The following PTPN14 variants were observed in gnomAD, a reference collection of about 807,000 sequenced individuals.
The protein encoded by PTPN14 is tyrosine-protein phosphatase non-receptor type 14.
Under a neutral mutation model 126.8 loss-of-function variants are expected in PTPN14, and 53 were observed. The observed-to-expected ratio is 0.42, with a 90% CI of 0.34 to 0.53. PTPN14 has a LOEUF of 0.53. Among genes scored for constraint, PTPN14 ranks in the 20% least tolerant of loss-of-function variants. PTPN14 has a pLI of 0.08. For synonymous variants in PTPN14, 630 were observed against 599.3 expected (o/e 1.05, Z -0.75); for missense variants, 1,257 against 1,552.9 (o/e 0.81, Z 3.20).
At chr1:214,391,343 A>G (rs1658746705) in intron 10 of PTPN14, among the ~76,000 whole-genome samples, 1 of 152,110 alleles carries the variant, frequency 6.6e-6, no homozygotes, top group Non-Finnish European at 1.5e-5. Context: ...GAAAAATATC[A>G]CCATTATTAC....
At chr1:214,517,898 T>A (rs192613954) in intron 1 of PTPN14, among the ~76,000 whole-genome samples, 1 of 152,140 alleles carries the variant, frequency 6.6e-6, no homozygotes, top group Non-Finnish European at 1.5e-5. Context: ...TGAGCCAAGA[T>A]TGTGCCACTG....
At position 214,349,849 on chromosome 1, in the gene PTPN14, A is replaced by G. The variant is rs1657668659; in HGVS notation, c.*8073T>C. On this transcript the variant is annotated 3_prime_UTR_variant, in exon 19 of 19. Coordinates refer to ENST00000366956, the MANE Select transcript of PTPN14 (RefSeq NM_005401.5). ...AAAAAAAATGGCTCTGAATTACAGC[A>G]TTCAGTTCTATGCTCAAGGTATGTA... is the stretch of plus-strand genomic sequence containing the variant. 1 of 152,180 alleles carries G rather than the reference A, an allele frequency of 6.6e-6. No homozygotes were observed. The highest frequency in any genetic ancestry group is 2.1e-4 in the South Asian group (1 of 4,828). 9.4% of individuals were successfully genotyped at this position (152,180 alleles called of 1,614,324 possible).
intron 11 of PTPN14, among the ~76,000 whole-genome samples, chr1:214,387,366 G>T (rs1211289221): frequency 6.6e-6 from 1 of 152,132 alleles, no homozygotes; most frequent in African/African-American, 2.4e-5. Flanking sequence ...ACAAAAATTA[G>T]CCAGGCATGG....
chr1:214,435,716 C>T (rs752464219), intron 3 of PTPN14, among the ~76,000 whole-genome samples: 2 of 152,116 alleles, frequency 1.3e-5, no homozygotes, highest in Non-Finnish European at 2.9e-5. Context: ...CACCTTACAT[C>T]AGTCAGAATG....
chr1:214,396,596 C>G (rs567019488), intron 8 of PTPN14, among the ~76,000 whole-genome samples: 1 of 152,318 alleles, frequency 6.6e-6, no homozygotes, highest in East Asian at 1.9e-4. Context: ...TAACATGACA[C>G]TACAGTAGAT....
chr1:214,377,169 A>G (rs564022788), intron 14 of PTPN14, among the ~76,000 whole-genome samples: 5 of 152,378 alleles, frequency 3.3e-5, no homozygotes, highest in African/African-American at 1.2e-4. Context: ...ACGAGGGGAC[A>G]GCATTTTTAA....
Position 214,376,219 on chromosome 1 carries a change from C to G in PTPN14, c.2907G>C (p.Lys969Asn), listed in dbSNP as rs1558074733. ...CCTTCTAACAGGCTTGCCTTCTTAC[C>G]TTGATGTGGGAGGCATTAATGTATC... ...NTGYINASHI[K>N]VVVGGAEWHY... The change falls in exon 15 of 19, where the codon AAG becomes AAC. Residue 969 changes from lysine (K) to asparagine (N), a missense_variant and splice_region_variant. Lys to Asn is a moderately conservative substitution (Grantham distance 94). Transcript: ENST00000366956. 2 of 1,612,268 alleles carry G rather than the reference C, an allele frequency of 1.2e-6. No homozygotes were observed. The highest frequency in any genetic ancestry group is 4.5e-5 in the East Asian group (2 of 44,872).
intron 1 of PTPN14, among the ~76,000 whole-genome samples, chr1:214,523,184 G>A (rs1168192001): frequency 6.6e-6 from 1 of 152,042 alleles, no homozygotes; most frequent in African/African-American, 2.4e-5. Context: ...CTTGAACCTG[G>A]CATCCCGAGG....
chr1:214,372,911 T>A (rs1354877741), intron 15 of PTPN14, 72 bp from the exon 16 acceptor site: 2 of 1,585,136 alleles, frequency 1.3e-6, no homozygotes, highest in Non-Finnish European at 1.7e-6. Flanking sequence ...CACCTGTCCA[T>A]CTGTATCCAC....
At chr1:214,504,748 A>C (rs951102858) in intron 1 of PTPN14, among the ~76,000 whole-genome samples, 16 of 152,186 alleles carry the variant, frequency 1.1e-4, no homozygotes, top group African/African-American at 3.6e-4. Flanking sequence ...GACCAATCCC[A>C]GGATAAGGGC....
chr1:214,461,532 C>T (rs1660512431), intron 2 of PTPN14, among the ~76,000 whole-genome samples: 1 of 151,926 alleles, frequency 6.6e-6, no homozygotes, highest in South Asian at 2.1e-4. Flanking sequence ...ACTTGGGAGG[C>T]TGAGGTGGGA....
chr1:214,484,043 A>G (rs2102679151), intron 1 of PTPN14, among the ~76,000 whole-genome samples: 1 of 152,358 alleles, frequency 6.6e-6, no homozygotes, highest in South Asian at 2.1e-4. Flanking sequence ...AAATCGTAGA[A>G]TGGGTCTAGA....
chr1:214,396,216 T>C (rs541633478), intron 8 of PTPN14, among the ~76,000 whole-genome samples: 1 of 152,322 alleles, frequency 6.6e-6, no homozygotes, highest in East Asian at 1.9e-4. Context: ...GCTCCTACTT[T>C]AAAAATGAGG....
At chr1:214,412,481 C>T (rs1659329645) in intron 4 of PTPN14, among the ~76,000 whole-genome samples, 1 of 152,040 alleles carries the variant, frequency 6.6e-6, no homozygotes, top group Non-Finnish European at 1.5e-5. Context: ...TGAGAAGTTG[C>T]TAGAAGGTAA....
intron 1 of PTPN14, among the ~76,000 whole-genome samples, chr1:214,525,768 G>C (rs1309621288): frequency 6.6e-6 from 1 of 152,080 alleles, no homozygotes; most frequent in Admixed American, 6.6e-5. Context: ...AACCAAAATA[G>C]CTAATTAGTG....
In PTPN14 at chr1:214,369,662, G is replaced by A. The variant is rs1459351333; in HGVS notation, c.3066C>T (p.Tyr1022=). 1.9e-6 allele frequency: 3 copies of A among 1,614,184 alleles called. No individual in the cohort carries two copies. Among genetic ancestry groups the A allele is most frequent in the South Asian group, 1.1e-5 (1 of 91,070 alleles). Residue 1022 remains tyrosine, a synonymous_variant, in exon 17 of 19, where the codon TAC becomes TAT. Transcript: ENST00000366956. ...EEGGRTKSHR[Y]WPKLGSKHSS... ...TGTGCTTTGAACCTAGTTTGGGCCAGTATCGGTGGCTTTTGGTTCGTCCAC... is the reference window on the plus strand; with the variant it reads ...TGTGCTTTGAACCTAGTTTGGGCCAATATCGGTGGCTTTTGGTTCGTCCAC...
At chr1:214,450,424 A>T (rs1281283278) in intron 3 of PTPN14, among the ~76,000 whole-genome samples, 2 of 151,626 alleles carry the variant, frequency 1.3e-5, no homozygotes, top group Non-Finnish European at 2.9e-5. Flanking sequence ...GTAAGCCAAG[A>T]TCGTGCCACT....
chr1:214,426,032 C>CAAAAAA (rs66656875), intron 3 of PTPN14, among the ~76,000 whole-genome samples: 6 of 33,852 alleles, frequency 1.8e-4, no homozygotes, highest in African/African-American at 2.3e-4. Flanking sequence ...GCATAAATCG[C>CAAAAAA]AAAAAAAAAA....
intron 1 of PTPN14, among the ~76,000 whole-genome samples, chr1:214,486,556 C>A (rs1661117654): frequency 6.6e-6 from 1 of 152,160 alleles, no homozygotes; most frequent in South Asian, 2.1e-4. Context: ...GAAATAGATT[C>A]TTCGGAGTAC....
Sources: allele counts gnomAD v4.1 joint callset (sites outside exome capture counted in the v4.1 genomes callset), GRCh38; gene constraint gnomAD v4.1.1; transcripts MANE v1.5; gene names NCBI Gene and HGNC (gene_info 2026-07-23, HGNC 2026-07-21).